The following PEMT variants were observed in gnomAD, a reference collection of about 807,000 sequenced individuals.
The protein encoded by PEMT is phospholipid methyltransferase.
Under a neutral mutation model 27.4 loss-of-function variants are expected in PEMT, and 23 were observed. The observed-to-expected ratio is 0.84, with a 90% CI of 0.60 to 1.19. PEMT has a LOEUF of 1.19. Ranked by LOEUF, PEMT falls within the 50% of genes most tolerant of loss-of-function variation. The probability of loss-of-function intolerance (pLI) is 0.00; values close to 1 mark genes in which losing one functional copy is unlikely to be tolerated. For synonymous variants in PEMT, 137 were observed against 139.1 expected (o/e 0.98, Z 0.11); for missense variants, 307 against 310.1 (o/e 0.99, Z 0.07).
intron 2 of PEMT, 102 bp downstream of exon 2, chr17:17,576,818 G>C (rs1911624760): frequency 2.3e-6 from 2 of 888,876 alleles, no homozygotes; most frequent in Non-Finnish European, 1.9e-6. Context: ...AGAGCTGTCT[G>C]TCTGTCTGGC....
chr17:17,587,034 G>A (rs1335522971), intron 1 of PEMT, among the ~76,000 whole-genome samples: 1 of 151,628 alleles, frequency 6.6e-6, no homozygotes, highest in Non-Finnish European at 1.5e-5. Flanking sequence ...AGAGAAAGAG[G>A]AATGAGTTAA....
chr17:17,537,830 T>C (rs2142585828), intron 2 of PEMT, among the ~76,000 whole-genome samples: 1 of 152,278 alleles, frequency 6.6e-6, no homozygotes, highest in East Asian at 1.9e-4. Flanking sequence ...CAGCATGGCG[T>C]AGAAGGCAGG....
Position 17,513,440 on chromosome 17 carries a change from T to C in PEMT, c.321-786A>G, listed in dbSNP as rs979423772. On this transcript the variant is annotated intron_variant, in intron 3 of 6. Transcript: ENST00000255389. The surrounding 1 kb of genome is among the most constrained non-coding windows in gnomAD (Gnocchi z 4.1). Reference sequence around the variant, plus strand: ...GGTGAAACCCTGTCTCTACCCAAAATACAAAAATTAGCTGGGTGTGGTGGT... The same window carrying C: ...GGTGAAACCCTGTCTCTACCCAAAACACAAAAATTAGCTGGGTGTGGTGGT... Among the ~76,000 whole-genome samples the C allele has an allele frequency of 2.6e-5, 4 of 151,934 alleles. No homozygotes were observed. The highest frequency in any genetic ancestry group is 9.7e-5 in the African/African-American group (4 of 41,308).
At chr17:17,587,601 G>A (rs372025648) in intron 1 of PEMT, among the ~76,000 whole-genome samples, 3 of 152,088 alleles carry the variant, frequency 2.0e-5, no homozygotes, top group Non-Finnish European at 1.5e-5. Context: ...GTGGCTCACC[G>A]CCTGTAATCC....
intron 2 of PEMT, among the ~76,000 whole-genome samples, chr17:17,557,540 G>T (rs1324002343): frequency 6.6e-6 from 1 of 152,218 alleles, no homozygotes; most frequent in Non-Finnish European, 1.5e-5. Context: ...GCCTAAGCAG[G>T]TCCCTGCAGC....
At chr17:17,551,882 C>A (rs8074742) in intron 2 of PEMT, among the ~76,000 whole-genome samples, 25 of 151,932 alleles carry the variant, frequency 1.6e-4, no homozygotes, top group African/African-American at 5.8e-4. Context: ...TTTAAAGAGA[C>A]GATACAAAAA....
At chr17:17,528,924 C>T (rs963606953) in intron 2 of PEMT, among the ~76,000 whole-genome samples, 1 of 152,240 alleles carries the variant, frequency 6.6e-6, no homozygotes, top group Non-Finnish European at 1.5e-5. Context: ...TCCTCCCCAG[C>T]CCCAGATCAA....
chr17:17,533,616 C>A (rs188448586), intron 2 of PEMT, among the ~76,000 whole-genome samples: 4 of 152,118 alleles, frequency 2.6e-5, no homozygotes, highest in African/African-American at 9.7e-5. Flanking sequence ...ATAAAGAATT[C>A]TTACAAAATG....
chr17:17,577,870 A>T (rs938437736), intron 1 of PEMT, among the ~76,000 whole-genome samples: 1 of 151,958 alleles, frequency 6.6e-6, no homozygotes, highest in Non-Finnish European at 1.5e-5. Flanking sequence ...ACAAAAAATT[A>T]GCCGGGCATG....
intron 2 of PEMT, among the ~76,000 whole-genome samples, chr17:17,541,958 A>T (rs1244521806): frequency 6.6e-6 from 1 of 152,236 alleles, no homozygotes; most frequent in East Asian, 1.9e-4. Flanking sequence ...AGAAGGGCAC[A>T]GCCCACCTTC....
chr17:17,577,549 G>A (rs1911687798), intron 1 of PEMT: 8 of 989,852 alleles, frequency 8.1e-6, no homozygotes, highest in African/African-American at 1.7e-5. Context: ...CCCACATCCC[G>A]GCCACGCCAC....
At chr17:17,536,126 C>T (rs753133400) in intron 2 of PEMT, among the ~76,000 whole-genome samples, 1 of 152,238 alleles carries the variant, frequency 6.6e-6, no homozygotes, top group Non-Finnish European at 1.5e-5. Flanking sequence ...AGCACAGTGA[C>T]GTCAGCCGAC....
At chr17:17,533,887 C>T (rs1908277600) in intron 2 of PEMT, among the ~76,000 whole-genome samples, 1 of 152,090 alleles carries the variant, frequency 6.6e-6, no homozygotes, top group Non-Finnish European at 1.5e-5. Flanking sequence ...CATGCCACGA[C>T]ACCCGGCTAA....
intron 1 of PEMT, among the ~76,000 whole-genome samples, chr17:17,587,074 G>A (rs1408946749): frequency 6.6e-6 from 1 of 151,800 alleles, no homozygotes; most frequent in African/African-American, 2.4e-5. Flanking sequence ...AAAAATTAAA[G>A]ATAAGCAAAA....
chr17:17,546,584 GGCTAGGAAGA>G (rs1284992236), intron 2 of PEMT, among the ~76,000 whole-genome samples: 7 of 152,232 alleles, frequency 4.6e-5, no homozygotes, highest in African/African-American at 1.7e-4. Flanking sequence ...GCATCAGCTG[GGCTAGGAAGA>G]GTGGCCTGGC....
At chr17:17,571,905 C>T (rs1477924507) in intron 2 of PEMT, among the ~76,000 whole-genome samples, 1 of 152,122 alleles carries the variant, frequency 6.6e-6, no homozygotes, top group East Asian at 1.9e-4. Flanking sequence ...CACCACGTTG[C>T]CCGGGCTGGT....
At chr17:17,584,552 C>T (rs1235262304) in intron 1 of PEMT, among the ~76,000 whole-genome samples, 2 of 152,144 alleles carry the variant, frequency 1.3e-5, no homozygotes, top group East Asian at 3.9e-4. Context: ...AGTGAGTCTC[C>T]CACCTCGGCC....
intron 2 of PEMT, among the ~76,000 whole-genome samples, chr17:17,572,750 A>C (rs1244208348): frequency 6.6e-6 from 1 of 152,122 alleles, no homozygotes; most frequent in East Asian, 1.9e-4. Context: ...GTATGAATGA[A>C]CCTCTTCAAG....
chr17:17,574,453 G>T (rs1911445344), intron 2 of PEMT, among the ~76,000 whole-genome samples: 2 of 151,854 alleles, frequency 1.3e-5, no homozygotes, highest in South Asian at 4.2e-4. Flanking sequence ...CCGAGTAGCT[G>T]GGACTACAGG....
Sources: allele counts gnomAD v4.1 joint callset (sites outside exome capture counted in the v4.1 genomes callset), GRCh38; gene constraint gnomAD v4.1.1; non-coding constraint Gnocchi (gnomAD v3.1); transcripts MANE v1.5; gene names NCBI Gene and HGNC (gene_info 2026-07-23, HGNC 2026-07-21).